The following FBN1 variants were observed in gnomAD, a reference collection of about 807,000 sequenced individuals.
FBN1 encodes fibrillin 1.
Under a neutral mutation model 365.1 loss-of-function variants are expected in FBN1, and 29 were observed. The observed-to-expected ratio is 0.08, with a 90% confidence interval of 0.06 to 0.11. FBN1 has a LOEUF of 0.11. Among genes scored for constraint, FBN1 ranks in the 10% least tolerant of loss-of-function variants. The probability of loss-of-function intolerance (pLI) is 1.00; values close to 1 mark genes in which losing one functional copy is unlikely to be tolerated. For missense variants in FBN1, 2,476 were observed against 3,703.2 expected (o/e 0.67, Z 8.60); for synonymous variants, 1,210 against 1,270.5 (o/e 0.95, Z 1.01).
At chr15:48,587,878 T>G (rs1016133827) in intron 6 of FBN1, among the ~76,000 whole-genome samples, 1 of 152,218 alleles carries the variant, frequency 6.6e-6, no homozygotes, top group African/African-American at 2.4e-5. Flanking sequence ...ATCAAACTTC[T>G]ACTAAGACAG....
At chr15:48,569,475 C>T (rs978781194) in intron 6 of FBN1, among the ~76,000 whole-genome samples, 1 of 152,022 alleles carries the variant, frequency 6.6e-6, no homozygotes, top group Admixed American at 6.5e-5. Flanking sequence ...TAAATATCCA[C>T]CCAAGAGAAG....
At position 48,492,758 on chromosome 15, in the gene FBN1, C is replaced by T. The variant is rs993103090; in HGVS notation, c.2729-172G>A. On this transcript the variant is annotated intron_variant, in intron 23 of 65. Coordinates refer to ENST00000316623, the MANE Select transcript of FBN1 (RefSeq NM_000138.5). ...TAGGGTGCCTGAATAGCAACCAGAA[C>T]GAGCCCACCTATTACTAAATATGTA... 4.6e-5 allele frequency among the ~76,000 whole-genome samples: 7 copies of T among 152,212 alleles called. No homozygotes were observed. The South Asian group carries it at 6.2e-4, about 14-fold the overall frequency.
intron 6 of FBN1, among the ~76,000 whole-genome samples, chr15:48,555,218 C>T (rs1452314998): frequency 6.6e-6 from 1 of 152,098 alleles, no homozygotes; most frequent in African/African-American, 2.4e-5. Context: ...AAAATCTGTG[C>T]TCGGTTAAAA....
chr15:48,500,364 A>AT (rs1433394754), intron 17 of FBN1, among the ~76,000 whole-genome samples: 1 of 152,208 alleles, frequency 6.6e-6, no homozygotes, highest in African/African-American at 2.4e-5. Flanking sequence ...GTACTAGACC[A>AT]TTTTTTGTAG....
intron 43 of FBN1, among the ~76,000 whole-genome samples, chr15:48,458,882 G>T (rs2043261146): frequency 6.6e-6 from 1 of 152,164 alleles, no homozygotes; most frequent in South Asian, 2.1e-4. Context: ...TAAATATTTT[G>T]TCATGCTGGA....
chr15:48,469,085 T>C (rs903637182), intron 36 of FBN1, among the ~76,000 whole-genome samples: 3 of 114,582 alleles, frequency 2.6e-5, no homozygotes, highest in Non-Finnish European at 5.6e-5. Context: ...AAAAAATATA[T>C]ATATATATAA....
At chr15:48,617,741 C>T (rs1000916478) in intron 2 of FBN1, among the ~76,000 whole-genome samples, 1 of 152,162 alleles carries the variant, frequency 6.6e-6, no homozygotes, top group African/African-American at 2.4e-5. Context: ...AAGCCTCTCT[C>T]AACGGAGCAA....
At chr15:48,589,946 C>T (rs1263560227) in intron 6 of FBN1, among the ~76,000 whole-genome samples, 1 of 152,118 alleles carries the variant, frequency 6.6e-6, no homozygotes, top group African/African-American at 2.4e-5. Context: ...AACTAAATAC[C>T]AAAAGAGAGG....
intron 6 of FBN1, among the ~76,000 whole-genome samples, chr15:48,558,207 A>G (rs2044196790): frequency 1.3e-5 from 2 of 152,202 alleles, no homozygotes; most frequent in Non-Finnish European, 2.9e-5. Context: ...TGTTTCCTTC[A>G]GCCATTTCCT....
intron 17 of FBN1, among the ~76,000 whole-genome samples, chr15:48,499,639 A>G (rs1201253991): frequency 4.6e-5 from 7 of 152,226 alleles, no homozygotes; most frequent in African/African-American, 1.7e-4. Flanking sequence ...GTGAGATCAT[A>G]TTGAAAAAAC....
chr15:48,470,537 TCTTCTGTGACGG>T, intron 36 of FBN1, 85 bp downstream of exon 36: 1 of 1,543,138 alleles, frequency 6.5e-7, no homozygotes, highest in Non-Finnish European at 8.9e-7. Context: ...GCTTTTCTTG[TCTTCTGTGACGG>T]CCCTTGTGTA....
chr15:48,608,771 C>T (rs1203666179), intron 4 of FBN1, among the ~76,000 whole-genome samples: 1 of 152,066 alleles, frequency 6.6e-6, no homozygotes, highest in African/African-American at 2.4e-5. Context: ...TAAATCTGGC[C>T]CCAGGACCTT....
chr15:48,639,998 C>G (rs911363893), intron 2 of FBN1, among the ~76,000 whole-genome samples: 1 of 152,080 alleles, frequency 6.6e-6, no homozygotes, highest in African/African-American at 2.4e-5. Context: ...TAGTATTTTG[C>G]TTGATTAGAG....
intron 13 of FBN1, among the ~76,000 whole-genome samples, chr15:48,511,792 A>G (rs993770370): frequency 2.0e-5 from 3 of 152,188 alleles, no homozygotes; most frequent in African/African-American, 4.8e-5. Flanking sequence ...TCAGTCTCCA[A>G]TACTAAGTCT....
Position 48,515,449 on chromosome 15 carries a change from G to A in FBN1, c.1406C>T (p.Pro469Leu). ...GTTGCACTCACACCGGTAACTCCCA[G>A]GAGTTGGAATGCAGCGTCCATTTTG... ...LCQNGRCIPT[P>L]GSYRCECNKG... The change falls in exon 12 of 66, where the codon CCT becomes CTT. Residue 469 changes from proline to leucine, a missense_variant. This residue lies in a region of FBN1 where 421 missense variants were observed against 520.1 expected (regional missense o/e 0.81). Transcript: ENST00000316623. 6.2e-7 allele frequency: 1 copy of A among 1,614,018 alleles called. No individual in the cohort carries two copies. The highest frequency in any genetic ancestry group is 8.5e-7 in the Non-Finnish European group (1 of 1,179,920).
At chr15:48,533,083 G>GAT (rs2043986616) in intron 8 of FBN1, among the ~76,000 whole-genome samples, 1 of 152,162 alleles carries the variant, frequency 6.6e-6, no homozygotes, top group African/African-American at 2.4e-5. Flanking sequence ...TTGCTCATCT[G>GAT]ATATACAGTG....
intron 53 of FBN1, among the ~76,000 whole-genome samples, chr15:48,436,427 A>T (rs982816509): frequency 2.2e-4 from 34 of 152,310 alleles, no homozygotes; most frequent in Non-Finnish European, 3.5e-4. Context: ...TTAGATAACT[A>T]AATATGATCC....
rs776739338 is a variant in FBN1, at chr15:48,526,146, A to G, written c.972T>C (p.Asp324=). Reference sequence around the variant, plus strand: ...TAAACCTACCTATGCATCTGGTACCATCTGGAGAGGTGTAAAAACCAGGGG... The same window carrying G: ...TAAACCTACCTATGCATCTGGTACCGTCTGGAGAGGTGTAAAAACCAGGGG... ...KCPPGFYTSP[D]GTRCIDVRPG... Residue 324 remains aspartate, a synonymous_variant, in exon 9 of 66, where the codon GAT becomes GAC. Transcript: ENST00000316623. The G allele has an allele frequency of 6.2e-7, 1 of 1,614,194 alleles. No individual in the cohort carries two copies. Among genetic ancestry groups the G allele is most frequent in the East Asian group, 2.2e-5 (1 of 44,878 alleles).
chr15:48,417,147 T>A (rs1295946966), intron 63 of FBN1, among the ~76,000 whole-genome samples: 1 of 152,038 alleles, frequency 6.6e-6, no homozygotes, highest in African/African-American at 2.4e-5. Context: ...ACGCTCCACA[T>A]TTAAGCTGGT....
Sources: gnomAD v4.1 joint callset for allele counts (sites outside exome capture counted in the v4.1 genomes callset) on GRCh38, gnomAD v4.1.1 for gene constraint, gnomAD v4.1.1 regional missense constraint, MANE v1.5 for transcripts, NCBI Gene and HGNC (gene_info 2026-07-23, HGNC 2026-07-21) for gene names.